Variants in MARCHF4 observed in about 807,000 individuals in gnomAD.
MARCHF4 encodes membrane associated ring-CH-type finger 4, also known as E3 ubiquitin-protein ligase MARCHF4.
MARCHF4 carries 14 observed loss-of-function variants against 43.9 expected under a neutral mutation model. That is an observed-to-expected ratio of 0.32 (90% CI 0.21 to 0.50). The LOEUF is 0.50. MARCHF4 is among the 20% of genes least tolerant of loss of function. The pLI is 0.98. For synonymous variants in MARCHF4, 226 were observed against 213.3 expected (o/e 1.06, Z -0.52); for missense variants, 468 against 536.7 (o/e 0.87, Z 1.27).
intron 1 of MARCHF4, among the ~76,000 whole-genome samples, chr2:216,342,127 T>C (rs1479427466): frequency 6.6e-6 from 1 of 152,068 alleles, no homozygotes; most frequent in Non-Finnish European, 1.5e-5. Flanking sequence ...TTTTAAAACA[T>C]TTGTTTACAT....
chr2:216,324,222 G>T (rs1331102548), intron 1 of MARCHF4, among the ~76,000 whole-genome samples: 1 of 147,694 alleles, frequency 6.8e-6, no homozygotes, highest in East Asian at 2.0e-4. Flanking sequence ...TAGAAGAAAT[G>T]GATAAATTCC....
rs758699962 is a variant in MARCHF4 at position 216,369,877 on chromosome 2, G to A, written c.384C>T (p.Ala128=). 102 of 1,613,898 alleles carry A rather than the reference G, an allele frequency of 6.3e-5. No homozygotes were observed. Among genetic ancestry groups the A allele is most frequent in the Non-Finnish European group, 8.4e-5 (99 of 1,180,028 alleles). The change falls in exon 1 of 4, where the codon GCC becomes GCT. Residue 128 remains alanine, a synonymous_variant. Coordinates refer to ENST00000273067, the MANE Select transcript of MARCHF4 (RefSeq NM_020814.3). ...CTGAGGAGGCACTGCTGAGCAGCGA[G>A]GCAGGTGGCTCTGTGGCTGGGCCAC... The part of the protein sequence containing the change: ...DWGGPATEPP[A]SLLSSASSDD...
intron 3 of MARCHF4, among the ~76,000 whole-genome samples, chr2:216,261,580 C>A (rs1690744507): frequency 6.6e-6 from 1 of 152,164 alleles, no homozygotes; most frequent in South Asian, 2.1e-4. Context: ...ATGATTCAAG[C>A]CTATCAGAGT....
At chr2:216,317,421 G>GA (rs1310563446) in intron 1 of MARCHF4, among the ~76,000 whole-genome samples, 1 of 151,396 alleles carries the variant, frequency 6.6e-6, no homozygotes, top group African/African-American at 2.4e-5. Context: ...ATCCTTTTTT[G>GA]TTTTTTTTTA....
chr2:216,338,242 C>G (rs530912149), intron 1 of MARCHF4, among the ~76,000 whole-genome samples: 1 of 152,294 alleles, frequency 6.6e-6, no homozygotes, highest in Admixed American at 6.5e-5. Flanking sequence ...GTAACTTGCC[C>G]AGGTGCTGTG....
intron 1 of MARCHF4, among the ~76,000 whole-genome samples, chr2:216,318,310 C>T (rs767373459): frequency 5.3e-5 from 8 of 152,164 alleles, no homozygotes; most frequent in Non-Finnish European, 8.8e-5. Flanking sequence ...ACGAACGCCC[C>T]TCCCAGGCCA....
chr2:216,279,183 G>A lies in MARCHF4; in HGVS notation c.673-1319C>T, dbSNP rs1256793514. ...GAAGCAATACTTGAGCTGACTAAGC[G>A]GTTACTAGGCAAAGAAAGGAGGGAA... On this transcript the variant is annotated intron_variant, in intron 2 of 3. Coordinates refer to ENST00000273067, the MANE Select transcript of MARCHF4 (RefSeq NM_020814.3). 3.3e-5 allele frequency among the ~76,000 whole-genome samples: 5 copies of A among 152,332 alleles called. No homozygotes were observed. In the South Asian group the frequency reaches 6.2e-4, roughly 19 times the overall value.
At position 216,259,259 on chromosome 2, in the gene MARCHF4, C is replaced by G; in HGVS notation, c.*53G>C. 1 of 1,505,524 alleles carries G rather than the reference C, an allele frequency of 6.6e-7. No homozygotes were observed. Among genetic ancestry groups the G allele is most frequent in the South Asian group, 1.4e-5 (1 of 72,670 alleles). The allele number at this position is 1,505,524 out of a possible 1,614,324, so 93.3% of individuals were successfully genotyped here. On this transcript the variant is annotated 3_prime_UTR_variant, in exon 4 of 4. Coordinates refer to ENST00000273067, the MANE Select transcript of MARCHF4 (RefSeq NM_020814.3). ...CTGGGGGTGCCACTGCACCTCCCCA[C>G]CCTGCTCCGGGCCCTCAGTGGTGGT...
rs1272345543 is a variant in MARCHF4 at position 216,258,952 on chromosome 2, C to T, written c.*360G>A. The T allele has an allele frequency of 1.7e-5, 3 of 180,680 alleles. No individual in the cohort carries two copies. Among genetic ancestry groups the T allele is most frequent in the Admixed American group, 1.6e-4 (3 of 18,224 alleles). 11.2% of individuals were successfully genotyped at this position (180,680 alleles called of 1,614,324 possible). A position where few individuals can be genotyped will look rare whatever the true frequency, so the allele number is the denominator to read the frequency against. ...CTTTTCCTCTTGGCCCCCTTGGCCT[C>T]CGGCACTGCCACAGTCACACAGGCT... On this transcript the variant is annotated 3_prime_UTR_variant, in exon 4 of 4. Coordinates refer to ENST00000273067, the MANE Select transcript of MARCHF4 (RefSeq NM_020814.3).
chr2:216,278,383 G>T (rs1044012024), intron 2 of MARCHF4, among the ~76,000 whole-genome samples: 1 of 151,990 alleles, frequency 6.6e-6, no homozygotes, highest in Admixed American at 6.5e-5. Flanking sequence ...AACACCATGC[G>T]TGGCTAATTT....
intron 3 of MARCHF4, among the ~76,000 whole-genome samples, chr2:216,273,592 C>G (rs539826735): frequency 6.6e-6 from 1 of 152,338 alleles, no homozygotes; most frequent in Non-Finnish European, 1.5e-5. Context: ...AGGGAGCCTT[C>G]TCTTCCTCTT....
Position 216,353,783 on chromosome 2 carries a change from A to T in MARCHF4, c.516+15962T>A, listed in dbSNP as rs145114329. Among the ~76,000 whole-genome samples, 306 of 152,300 alleles carry T rather than the reference A, an allele frequency of 2.0e-3. 1 individual carries two copies. Among genetic ancestry groups the T allele is most frequent in the Admixed American group, 2.5e-3 (38 of 15,298 alleles). ...GACAGGTCTCAAACTCCTGACCTCA[A>T]GTGATGTGCCCACCTCGGCCTCCCA... On this transcript the variant is annotated intron_variant, in intron 1 of 3. Coordinates refer to ENST00000273067, the MANE Select transcript of MARCHF4 (RefSeq NM_020814.3).
In MARCHF4 at chr2:216,369,810, C is replaced by T. The variant is rs779441836; in HGVS notation, c.451G>A (p.Gly151Ser). 7 of 1,613,434 alleles carry T rather than the reference C, an allele frequency of 4.3e-6. No homozygotes were observed. Among genetic ancestry groups the T allele is most frequent in the Non-Finnish European group, 4.2e-6 (5 of 1,179,868 alleles). ...KEKTEDRYSL[G>S]SSLDSGMRTP... Reference sequence around the variant, plus strand: ...CTCATACCACTGTCCAAGCTGCTGCCCAGTGAGTAGCGATCCTCGGTCTTC... The same window carrying T: ...CTCATACCACTGTCCAAGCTGCTGCTCAGTGAGTAGCGATCCTCGGTCTTC... The change falls in exon 1 of 4, where the codon GGC (glycine) becomes AGC (serine). Residue 151 changes from glycine (G) to serine (S), a missense_variant. By Grantham distance (56) the Gly-to-Ser change is moderately conservative (BLOSUM62 0). Coordinates refer to ENST00000273067, the MANE Select transcript of MARCHF4 (RefSeq NM_020814.3).
chr2:216,303,828 G>A (rs972425495), intron 1 of MARCHF4, among the ~76,000 whole-genome samples: 1 of 152,174 alleles, frequency 6.6e-6, no homozygotes, highest in African/African-American at 2.4e-5. Flanking sequence ...TTATACAAAG[G>A]TTCTGTAGAT....
chr2:216,369,315 G>C (rs944705060), intron 1 of MARCHF4, among the ~76,000 whole-genome samples: 1 of 152,182 alleles, frequency 6.6e-6, no homozygotes, highest in African/African-American at 2.4e-5. Context: ...ACAAGATCTC[G>C]GCATACTCTC....
intron 3 of MARCHF4, among the ~76,000 whole-genome samples, chr2:216,267,001 C>T (rs1190301481): frequency 1.3e-5 from 2 of 152,150 alleles, no homozygotes; most frequent in Admixed American, 6.5e-5. Context: ...CTTTCTATAT[C>T]GAATCAGAGT....
chr2:216,370,036 G>GGCC lies in MARCHF4; in HGVS notation c.222_224dup (p.Ala75dup). 6.4e-7 allele frequency: 1 copy of GGCC among 1,550,484 alleles called. No homozygotes were observed. ...CGCCCAGAGCCGGAAGGGTGTTGTT[G>GGCC]GCCGCCAAACCGGGGGGCTGGGGGT... is the stretch of plus-strand genomic sequence containing the variant. On this transcript the variant is annotated inframe_insertion, in exon 1 of 4. Coordinates refer to ENST00000273067, the MANE Select transcript of MARCHF4 (RefSeq NM_020814.3).
intron 1 of MARCHF4, among the ~76,000 whole-genome samples, chr2:216,293,934 GTGT>G (rs1691352602): frequency 1.0e-4 from 9 of 89,188 alleles, no homozygotes; most frequent in Admixed American, 2.3e-4. Flanking sequence ...TGACCTAAAT[GTGT>G]AATATACTGT....
intron 3 of MARCHF4, among the ~76,000 whole-genome samples, chr2:216,277,116 CTGG>C (rs368966122): frequency 2.0e-5 from 3 of 152,240 alleles, no homozygotes; most frequent in African/African-American, 4.8e-5. Flanking sequence ...TTTCCATTCC[CTGG>C]TGGGATGGGA....
Sources: gnomAD v4.1 joint callset for allele counts (sites outside exome capture counted in the v4.1 genomes callset) on GRCh38, gnomAD v4.1.1 for gene constraint, MANE v1.5 for transcripts, NCBI Gene and HGNC (gene_info 2026-07-23, HGNC 2026-07-21) for gene names.